The following PNLIPRP3 variants were observed in gnomAD, a reference collection of about 807,000 sequenced individuals.
The protein encoded by PNLIPRP3 is pancreatic lipase-related protein 3.
Under a neutral mutation model 52.8 loss-of-function variants are expected in PNLIPRP3, and 58 were observed. That is an observed-to-expected ratio of 1.10 (90% confidence interval 0.89 to 1.37). The LOEUF (loss-of-function observed/expected upper bound fraction) is 1.37, where lower values mean the gene tolerates loss of function less well. Ranked by LOEUF, PNLIPRP3 falls within the 40% of genes most tolerant of loss-of-function variation. The pLI, the probability that PNLIPRP3 is intolerant of heterozygous loss-of-function variation, is 0.00. For synonymous variants in PNLIPRP3, 192 were observed against 185.0 expected (o/e 1.04, Z -0.31); for missense variants, 593 against 561.6 (o/e 1.06, Z -0.57).
intron 2 of PNLIPRP3, among the ~76,000 whole-genome samples, chr10:116,441,544 T>C (rs1422461346): frequency 1.3e-5 from 2 of 152,162 alleles, no homozygotes; most frequent in Non-Finnish European, 2.9e-5. Context: ...ATCATGTTTT[T>C]GTACTTGGAT....
intron 2 of PNLIPRP3, among the ~76,000 whole-genome samples, chr10:116,441,990 A>AT (rs1336690637): frequency 1.3e-5 from 2 of 152,152 alleles, no homozygotes; most frequent in Non-Finnish European, 2.9e-5. Context: ...TAGCCAGCAA[A>AT]TTGTATGATT....
At chr10:116,448,251 C>A (rs960436929) in intron 4 of PNLIPRP3, among the ~76,000 whole-genome samples, 1 of 151,748 alleles carries the variant, frequency 6.6e-6, no homozygotes, top group Admixed American at 6.6e-5. Flanking sequence ...ATAAAAAAGA[C>A]GTAATTATGA....
chr10:116,460,869 T>C, intron 5 of PNLIPRP3, 97 bp from the exon 6 acceptor site: 1 of 1,478,518 alleles, frequency 6.8e-7, no homozygotes, highest in South Asian at 1.3e-5. Flanking sequence ...TGATCTTTGA[T>C]TGATAGAAAT....
intron 4 of PNLIPRP3, among the ~76,000 whole-genome samples, chr10:116,453,709 G>C (rs1283977463): frequency 1.3e-5 from 2 of 152,042 alleles, no homozygotes; most frequent in African/African-American, 4.8e-5. Context: ...CTCTCACTCT[G>C]TGATACACCA....
At position 116,427,893 on chromosome 10, in the gene PNLIPRP3, T is replaced by C. The variant is rs10787670; in HGVS notation, c.-120T>C. ...GTGGAATAACATGTTCTTTTAAACG[T>C]AGAGTTTAAACATTGAGTTGCATCA... On this transcript the variant is annotated 5_prime_UTR_variant, in exon 1 of 12. Transcript: ENST00000369230. 0.86 allele frequency: 644,922 copies of C among 751,534 alleles called. 281,631 individuals are homozygous for C. The highest frequency in any genetic ancestry group is 0.93 in the South Asian group (59,042 of 63,278). 46.6% of individuals were successfully genotyped at this position (751,534 alleles called of 1,614,324 possible).
At chr10:116,471,186 T>A (rs999030022) in intron 9 of PNLIPRP3, among the ~76,000 whole-genome samples, 1 of 152,226 alleles carries the variant, frequency 6.6e-6, no homozygotes, top group African/African-American at 2.4e-5. Flanking sequence ...TAGCTCTAGA[T>A]GTAAAAAGTC....
chr10:116,467,267 C>A (rs2133152062), intron 8 of PNLIPRP3, among the ~76,000 whole-genome samples: 1 of 152,264 alleles, frequency 6.6e-6, no homozygotes, highest in South Asian at 2.1e-4. Context: ...TGGCATGCAC[C>A]TGTAGTCCCA....
intron 7 of PNLIPRP3, among the ~76,000 whole-genome samples, chr10:116,465,232 T>C (rs1846260548): frequency 6.6e-6 from 1 of 151,888 alleles, no homozygotes; most frequent in Admixed American, 6.6e-5. Context: ...AAAAGCAACA[T>C]TAGATTGGTT....
rs2133165334 is a variant in PNLIPRP3 at position 116,477,123 on chromosome 10, T to A, written c.1374T>A (p.Pro458=). ...TCTGTAGCCAAGACATTATGGGACCTAATATTCTCCAGAACCTGAAACCAT... is the reference window on the plus strand; with the variant it reads ...TCTGTAGCCAAGACATTATGGGACCAAATATTCTCCAGAACCTGAAACCAT... ...STFCSQDIMG[P]NILQNLKPC The change falls in exon 12 of 12, where the codon CCT becomes CCA. Residue 458 remains proline (P), a synonymous_variant. Coordinates refer to ENST00000369230, the MANE Select transcript of PNLIPRP3 (RefSeq NM_001011709.3). The A allele has an allele frequency of 6.3e-7, 1 of 1,597,864 alleles. No individual in the cohort carries two copies. Among genetic ancestry groups the A allele is most frequent in the South Asian group, 1.1e-5 (1 of 90,526 alleles).
intron 7 of PNLIPRP3, among the ~76,000 whole-genome samples, chr10:116,465,300 G>A (rs1846261440): frequency 6.6e-6 from 1 of 152,134 alleles, no homozygotes; most frequent in African/African-American, 2.4e-5. Flanking sequence ...AGCACTTTGG[G>A]AGGCCTAGGT....
intron 1 of PNLIPRP3, among the ~76,000 whole-genome samples, chr10:116,435,464 C>T (rs1298822552): frequency 7.1e-6 from 1 of 141,460 alleles, no homozygotes; most frequent in African/African-American, 2.6e-5. Context: ...AAAAACCAAC[C>T]AAACAAAAAA....
chr10:116,440,413 CAT>C (rs1369112859), intron 2 of PNLIPRP3, among the ~76,000 whole-genome samples: 1 of 152,126 alleles, frequency 6.6e-6, no homozygotes, highest in Non-Finnish European at 1.5e-5. Context: ...TGGAAAGAAT[CAT>C]GTGTAATTAA....
chr10:116,444,990 GCTATTTATTAGGC>G (rs1462549605), intron 4 of PNLIPRP3, among the ~76,000 whole-genome samples: 1 of 152,158 alleles, frequency 6.6e-6, no homozygotes, highest in Non-Finnish European at 1.5e-5. Context: ...AATAGACCTT[GCTATTTATTAGGC>G]CTATACTCTG....
At chr10:116,443,803 A>ATGTGTGTGTG (rs1564695678) in intron 3 of PNLIPRP3, among the ~76,000 whole-genome samples, 1 of 1,784 alleles carries the variant, frequency 5.6e-4, no homozygotes, top group Non-Finnish European at 2.2e-3. Flanking sequence ...GTGTGTGTGC[A>ATGTGTGTGTG]TATATATATA....
chr10:116,450,559 C>G (rs117732362), intron 4 of PNLIPRP3, among the ~76,000 whole-genome samples: 2 of 151,794 alleles, frequency 1.3e-5, no homozygotes, highest in African/African-American at 4.8e-5. Context: ...CATTTACAAA[C>G]CTTTAGCTAG....
intron 1 of PNLIPRP3, 119 bp from the exon 2 acceptor site, chr10:116,436,592 C>A: frequency 1.9e-6 from 2 of 1,033,372 alleles, no homozygotes; most frequent in Non-Finnish European, 1.4e-6. Context: ...TATTTTCAAG[C>A]CATAAATCCA....
intron 10 of PNLIPRP3, among the ~76,000 whole-genome samples, chr10:116,475,040 C>T (rs1283955918): frequency 2.0e-5 from 3 of 152,120 alleles, no homozygotes; most frequent in Non-Finnish European, 4.4e-5. Flanking sequence ...ACCCATGTGC[C>T]CATCAATGAC....
chr10:116,466,191 A>G (rs2133150855), intron 8 of PNLIPRP3, 23 bp downstream of exon 8: 2 of 1,503,392 alleles, frequency 1.3e-6, no homozygotes, highest in African/African-American at 1.4e-5. Context: ...TCTTACTTGG[A>G]ATTTAATTAT....
chr10:116,445,379 T>C (rs1358573409), intron 4 of PNLIPRP3, among the ~76,000 whole-genome samples: 1 of 152,182 alleles, frequency 6.6e-6, no homozygotes, highest in Non-Finnish European at 1.5e-5. Context: ...TAGGTGATAT[T>C]TGAACATTGA....
Sources: gnomAD v4.1 joint callset for allele counts (sites outside exome capture counted in the v4.1 genomes callset) on GRCh38, gnomAD v4.1.1 for gene constraint, MANE v1.5 for transcripts, NCBI Gene and HGNC (gene_info 2026-07-23, HGNC 2026-07-21) for gene names.